The following RIT2 variants were observed in gnomAD, a reference collection of about 807,000 sequenced individuals.
RIT2 encodes Ras like without CAAX 2, also known as GTP-binding protein Rit2.
RIT2 carries 24 observed loss-of-function variants against 23.7 expected under a neutral mutation model. The observed-to-expected ratio is 1.01, with a 90% confidence interval of 0.73 to 1.43. The LOEUF (loss-of-function observed/expected upper bound fraction) is 1.43, where lower values mean the gene tolerates loss of function less well. RIT2 is among the 40% of genes most tolerant of loss of function. The probability of loss-of-function intolerance (pLI) is 0.00; values close to 1 mark genes in which losing one functional copy is unlikely to be tolerated. For synonymous variants in RIT2, 107 were observed against 91.1 expected, an observed-to-expected ratio of 1.17 and a Z score of -0.99; for missense variants, 236 against 266.9, an observed-to-expected ratio of 0.88 and a Z score of 0.81.
At chr18:42,940,684 A>T (rs1049224598) in intron 3 of RIT2, among the ~76,000 whole-genome samples, 3 of 152,140 alleles carry the variant, frequency 2.0e-5, no homozygotes, top group Non-Finnish European at 4.4e-5. Flanking sequence ...TTTATTTTTT[A>T]AAAAGAATAG....
chr18:42,794,607 T>G (rs1166272096), intron 4 of RIT2, among the ~76,000 whole-genome samples: 1 of 152,222 alleles, frequency 6.6e-6, no homozygotes, highest in African/African-American at 2.4e-5. Flanking sequence ...ACAGTTTATA[T>G]CTCTGATTTC....
intron 4 of RIT2, among the ~76,000 whole-genome samples, chr18:42,827,353 A>T (rs1906325179): frequency 6.6e-6 from 1 of 152,188 alleles, no homozygotes; most frequent in Non-Finnish European, 1.5e-5. Context: ...CTGTAAATTA[A>T]TTATTAGGAA....
intron 4 of RIT2, among the ~76,000 whole-genome samples, chr18:42,807,736 C>G (rs1004475945): frequency 6.6e-6 from 1 of 151,996 alleles, no homozygotes; most frequent in Non-Finnish European, 1.5e-5. Flanking sequence ...TTACGAGAAC[C>G]CTTGTCCCTT....
At chr18:42,833,549 C>T (rs1906519201) in intron 4 of RIT2, among the ~76,000 whole-genome samples, 1 of 152,102 alleles carries the variant, frequency 6.6e-6, no homozygotes, top group Non-Finnish European at 1.5e-5. Flanking sequence ...CAGCATTTTA[C>T]ATTACAAATA....
intron 3 of RIT2, among the ~76,000 whole-genome samples, chr18:42,952,642 C>T (rs1286590320): frequency 6.6e-6 from 1 of 151,872 alleles, no homozygotes; most frequent in Non-Finnish European, 1.5e-5. Context: ...TACTGTACAG[C>T]CGTTTGTATG....
At chr18:42,830,340 G>A (rs1906422343) in intron 4 of RIT2, among the ~76,000 whole-genome samples, 1 of 152,178 alleles carries the variant, frequency 6.6e-6, no homozygotes, top group Non-Finnish European at 1.5e-5. Flanking sequence ...TCTAGTCACA[G>A]TAAACATTTG....
rs1244629160 is a variant in RIT2, at chr18:43,100,081, TA to T, written c.103+15335del. On this transcript the variant is annotated intron_variant, in intron 1 of 4. Transcript: ENST00000326695. Reference sequence around the variant, plus strand: ...AACAATAACTAGTAACATAATCAGTTATTACATTGGAAAGCAATAGGTGCTA... The same window carrying T: ...AACAATAACTAGTAACATAATCAGTTTTACATTGGAAAGCAATAGGTGCTA... Among the ~76,000 whole-genome samples, 3 of 152,058 alleles carry T rather than the reference TA, an allele frequency of 2.0e-5. No individual in the cohort carries two copies. The East Asian group carries it at 5.8e-4, about 29-fold the overall frequency.
At chr18:42,915,189 G>C (rs1025625425) in intron 4 of RIT2, among the ~76,000 whole-genome samples, 8 of 142,556 alleles carry the variant, frequency 5.6e-5, no homozygotes, top group African/African-American at 1.0e-4. Flanking sequence ...CACACACCAT[G>C]CACTTGATTA....
intron 4 of RIT2, among the ~76,000 whole-genome samples, chr18:42,918,195 C>A (rs887748442): frequency 3.3e-5 from 5 of 152,034 alleles, no homozygotes; most frequent in Non-Finnish European, 7.4e-5. Context: ...GTGCTTGTTA[C>A]CCATTGGGAA....
At chr18:42,927,332 C>CT (rs1297322561) in intron 3 of RIT2, among the ~76,000 whole-genome samples, 2 of 144,872 alleles carry the variant, frequency 1.4e-5, no homozygotes, top group Admixed American at 7.3e-5. Flanking sequence ...TATACCAACT[C>CT]TTTACACAAC....
intron 4 of RIT2, among the ~76,000 whole-genome samples, chr18:42,844,051 GTA>G (rs1568010694): frequency 6.6e-6 from 1 of 152,152 alleles, no homozygotes; most frequent in East Asian, 1.9e-4. Context: ...CATAACAGGG[GTA>G]TATGTTTTCT....
chr18:42,826,691 T>C (rs1342415301), intron 4 of RIT2, among the ~76,000 whole-genome samples: 1 of 152,150 alleles, frequency 6.6e-6, no homozygotes, highest in Non-Finnish European at 1.5e-5. Context: ...TGTTATTTAC[T>C]GACAATTTGA....
intron 1 of RIT2, among the ~76,000 whole-genome samples, chr18:43,086,402 A>C (rs1406312042): frequency 6.6e-6 from 1 of 152,204 alleles, no homozygotes; most frequent in Non-Finnish European, 1.5e-5. Flanking sequence ...GCAACCTACC[A>C]AGACTGAATC....
intron 4 of RIT2, among the ~76,000 whole-genome samples, chr18:42,854,118 A>G (rs1401751252): frequency 6.6e-6 from 1 of 152,226 alleles, no homozygotes; most frequent in Non-Finnish European, 1.5e-5. Context: ...AATATGATGT[A>G]AACTCCTTGA....
chr18:42,799,549 T>A (rs960861175), intron 4 of RIT2, among the ~76,000 whole-genome samples: 1 of 152,184 alleles, frequency 6.6e-6, no homozygotes, highest in Non-Finnish European at 1.5e-5. Context: ...CTTAATCTAT[T>A]TTCCTTTCAG....
At chr18:42,791,308 T>C (rs137861498) in intron 4 of RIT2, among the ~76,000 whole-genome samples, 1 of 152,344 alleles carries the variant, frequency 6.6e-6, no homozygotes, top group Non-Finnish European at 1.5e-5. Flanking sequence ...TATCTTCAGT[T>C]CTTTGCTTTG....
chr18:43,011,369 A>G (rs1451345612), intron 2 of RIT2, among the ~76,000 whole-genome samples: 1 of 151,812 alleles, frequency 6.6e-6, no homozygotes, highest in Non-Finnish European at 1.5e-5. Flanking sequence ...AGCAAAGGAG[A>G]GAGATGTCCT....
chr18:42,834,611 T>C (rs542865947), intron 4 of RIT2, among the ~76,000 whole-genome samples: 16 of 152,180 alleles, frequency 1.1e-4, no homozygotes, highest in African/African-American at 3.9e-4. Context: ...GTTTTCAAAA[T>C]GTTTTGCAGA....
chr18:42,803,995 C>A (rs1043286078), intron 4 of RIT2, among the ~76,000 whole-genome samples: 1 of 152,012 alleles, frequency 6.6e-6, no homozygotes, highest in African/African-American at 2.4e-5. Flanking sequence ...TACATTCAAG[C>A]CTAAAAGGAA....
Sources: allele counts gnomAD v4.1 joint callset (sites outside exome capture counted in the v4.1 genomes callset), GRCh38; gene constraint gnomAD v4.1.1; transcripts MANE v1.5; gene names NCBI Gene and HGNC (gene_info 2026-07-23, HGNC 2026-07-21).